The following ZNF10 variants were observed in gnomAD, a reference collection of about 807,000 sequenced individuals.
ZNF10 encodes the protein zinc finger protein 10, also known as zinc finger protein 10 (KOX 1).
Under a neutral mutation model 12.2 loss-of-function variants are expected in ZNF10, and 8 were observed. That is an observed-to-expected ratio of 0.66 (90% CI 0.39 to 1.18). ZNF10 has a LOEUF of 1.18. Ranked by LOEUF, ZNF10 falls within the 50% of genes most tolerant of loss-of-function variation. ZNF10 has a pLI of 0.01. For synonymous variants in ZNF10, 229 were observed against 228.2 expected (o/e 1.00, Z -0.03); for missense variants, 603 against 678.9 (o/e 0.89, Z 1.24).
intron 1 of ZNF10, among the ~76,000 whole-genome samples, chr12:133,134,799 C>G (rs1023159214): frequency 1.7e-5 from 2 of 115,614 alleles, no homozygotes; most frequent in Non-Finnish European, 3.7e-5. Flanking sequence ...TTTATGTTCA[C>G]AAATAGAATT....
chr12:133,152,032 G>A (rs2135464023), intron 4 of ZNF10, 128 bp downstream of exon 4: 2 of 654,288 alleles, frequency 3.1e-6, no homozygotes, highest in Admixed American at 2.9e-5. Context: ...AGTTTATCTG[G>A]CCCCTGTTTC....
chr12:133,132,911 C>G (rs201168963), intron 1 of ZNF10, among the ~76,000 whole-genome samples: 23 of 152,290 alleles, frequency 1.5e-4, no homozygotes, highest in African/African-American at 5.3e-4. Flanking sequence ...TTTTACTGTA[C>G]CTAATTTTAA....
chr12:133,138,556 A>G (rs1047856997), intron 1 of ZNF10, among the ~76,000 whole-genome samples: 2 of 152,136 alleles, frequency 1.3e-5, no homozygotes, highest in African/African-American at 4.8e-5. Flanking sequence ...TTGACTTGTA[A>G]TTGACTTCTT....
chr12:133,150,215 CTGA>C (rs1409409136), intron 2 of ZNF10, among the ~76,000 whole-genome samples: 2 of 152,168 alleles, frequency 1.3e-5, no homozygotes, highest in Non-Finnish European at 2.9e-5. Flanking sequence ...TCCCTTCTGC[CTGA>C]AGAACTTCCT....
chr12:133,140,522 T>C (rs939869542), intron 1 of ZNF10, among the ~76,000 whole-genome samples: 1 of 150,670 alleles, frequency 6.6e-6, no homozygotes, highest in African/African-American at 2.4e-5. Context: ...ACAATAACCC[T>C]ATGAGGTCAA....
At position 133,138,010 on chromosome 12, in the gene ZNF10, C is replaced by A. The variant is rs777140718; in HGVS notation, c.-59-6424C>A. Among the ~76,000 whole-genome samples, 8 of 151,352 alleles carry A rather than the reference C, an allele frequency of 5.3e-5. No individual in the cohort carries two copies. The South Asian group carries it at 6.3e-4, about 12-fold the overall frequency. On this transcript the variant is annotated intron_variant, in intron 1 of 4. Coordinates refer to ENST00000248211, the MANE Select transcript of ZNF10 (RefSeq NM_015394.5). ...ATGGTTTACATCTGTGTTTCTCAAC[C>A]TTAGCTATACATTCATTTGTACCAG...
At chr12:133,139,050 T>C (rs1229689280) in intron 1 of ZNF10, 2 of 152,246 alleles carry the variant, frequency 1.3e-5, no homozygotes, top group African/African-American at 4.8e-5. Flanking sequence ...TTACTTATAT[T>C]GCTGGTGAAA....
chr12:133,131,573 C>G (rs919197958), intron 1 of ZNF10, among the ~76,000 whole-genome samples: 3 of 152,070 alleles, frequency 2.0e-5, no homozygotes, highest in Non-Finnish European at 4.4e-5. Context: ...GTTAGGTCTC[C>G]GAGAACTGGA....
At chr12:133,144,765 A>G in intron 2 of ZNF10, 1 of 499,228 alleles carries the variant, frequency 2.0e-6, no homozygotes, top group Non-Finnish European at 3.6e-6. Flanking sequence ...GTAGTGGAAA[A>G]TATGACAGAA....
intron 1 of ZNF10, among the ~76,000 whole-genome samples, chr12:133,137,792 C>T (rs1955921046): frequency 6.6e-6 from 1 of 152,100 alleles, no homozygotes; most frequent in Non-Finnish European, 1.5e-5. Flanking sequence ...GCAGAAGTTC[C>T]AAATCTATAC....
chr12:133,142,023 A>AT (rs1413417993), intron 1 of ZNF10, among the ~76,000 whole-genome samples: 2 of 152,226 alleles, frequency 1.3e-5, no homozygotes, highest in Non-Finnish European at 2.9e-5. Context: ...GAGTGGAACT[A>AT]TATCTACAAA....
At chr12:133,146,939 C>G (rs1426676660) in intron 2 of ZNF10, among the ~76,000 whole-genome samples, 1 of 152,138 alleles carries the variant, frequency 6.6e-6, no homozygotes, top group African/African-American at 2.4e-5. Context: ...GCTAACTCCC[C>G]CTCCAGCCCC....
chr12:133,141,501 A>G (rs1341167359), intron 1 of ZNF10, among the ~76,000 whole-genome samples: 2 of 152,214 alleles, frequency 1.3e-5, no homozygotes, highest in Non-Finnish European at 2.9e-5. Context: ...ACAGCAATAG[A>G]AAGTATTAAA....
At chr12:133,152,167 G>A (rs757239993) in intron 4 of ZNF10, among the ~76,000 whole-genome samples, 8 of 152,202 alleles carry the variant, frequency 5.3e-5, no homozygotes, top group Non-Finnish European at 1.2e-4. Context: ...CTAGCATCTT[G>A]TGCTTTCGTT....
intron 1 of ZNF10, among the ~76,000 whole-genome samples, chr12:133,141,390 G>T (rs1955943691): frequency 6.6e-6 from 1 of 152,118 alleles, no homozygotes; most frequent in Non-Finnish European, 1.5e-5. Context: ...CGGTAATAAT[G>T]ATTTGAAACT....
intron 2 of ZNF10, among the ~76,000 whole-genome samples, chr12:133,149,985 T>TA (rs1445780905): frequency 1.3e-5 from 2 of 152,216 alleles, no homozygotes; most frequent in African/African-American, 2.4e-5. Context: ...CTAGAAGCCT[T>TA]ACAACATGTG....
At position 133,156,867 on chromosome 12, in the gene ZNF10, G is replaced by GGA. The variant is rs1566351662; in HGVS notation, c.1625_1626dup (p.Gln543SerfsTer4). 4 of 1,524,420 alleles carry GGA rather than the reference G, an allele frequency of 2.6e-6. No individual in the cohort carries two copies. The highest frequency in any genetic ancestry group is 3.5e-6 in the Non-Finnish European group (4 of 1,139,112). The allele number at this position is 1,524,420 out of a possible 1,614,324, so 94.4% of individuals were successfully genotyped here. A position where few individuals can be genotyped will look rare whatever the true frequency, so the allele number is the denominator to read the frequency against. ...TATAGTTCATCAAATAGCTCACACT[G>GGA]GAGAGCAGTTCTTAACATGCAATCA... On this transcript the variant is annotated frameshift_variant, in exon 5 of 5. Coordinates refer to ENST00000248211, the MANE Select transcript of ZNF10 (RefSeq NM_015394.5). LOFTEE classifies it low-confidence loss of function (END_TRUNC).
At chr12:133,149,517 C>T (rs1955995799) in intron 2 of ZNF10, among the ~76,000 whole-genome samples, 1 of 151,694 alleles carries the variant, frequency 6.6e-6, no homozygotes, top group South Asian at 2.1e-4. Context: ...GCCACCACGC[C>T]TGGTTAATTT....
chr12:133,142,915 T>G (rs780759014), intron 1 of ZNF10, among the ~76,000 whole-genome samples: 1 of 152,170 alleles, frequency 6.6e-6, no homozygotes, highest in Non-Finnish European at 1.5e-5. Flanking sequence ...GGCAGTGTTA[T>G]TCATAATAAC....
Sources: gnomAD v4.1 joint callset for allele counts (sites outside exome capture counted in the v4.1 genomes callset) on GRCh38, gnomAD v4.1.1 for gene constraint, MANE v1.5 for transcripts, NCBI Gene and HGNC (gene_info 2026-07-23, HGNC 2026-07-21) for gene names.